CACNA1A: variants seen among roughly 807,000 people sequenced by gnomAD.
CACNA1A encodes the protein calcium voltage-gated channel subunit alpha1 A, also known as voltage-dependent P/Q-type calcium channel subunit alpha-1A.
CACNA1A carries 57 observed loss-of-function variants against 262.4 expected under a neutral mutation model. The ratio of observed to expected loss-of-function variants is 0.22; its 90% confidence interval spans 0.18 to 0.27. The LOEUF (loss-of-function observed/expected upper bound fraction) is 0.27, where lower values mean the gene tolerates loss of function less well. CACNA1A is among the 10% of genes least tolerant of loss of function. The pLI, the probability that CACNA1A is intolerant of heterozygous loss-of-function variation, is 1.00. For synonymous variants in CACNA1A, 1,431 were observed against 1,419.3 expected, an observed-to-expected ratio of 1.01 and a Z score of -0.18; for missense variants, 2,526 against 3,562.8, an observed-to-expected ratio of 0.71 and a Z score of 7.41.
intron 3 of CACNA1A, among the ~76,000 whole-genome samples, chr19:13,414,024 T>G (rs10418978): frequency 9.7e-4 from 147 of 151,786 alleles, no homozygotes; most frequent in African/African-American, 3.4e-3. Flanking sequence ...TAAAAGCAGA[T>G]AGAAGCCTGG....
At chr19:13,378,912 A>G (rs952382958) in intron 3 of CACNA1A, among the ~76,000 whole-genome samples, 1 of 144,756 alleles carries the variant, frequency 6.9e-6, no homozygotes, top group Admixed American at 7.0e-5. Flanking sequence ...CAAGTGATCC[A>G]CCCACCTTGG....
intron 19 of CACNA1A, among the ~76,000 whole-genome samples, chr19:13,289,216 A>G (rs2057478963): frequency 6.9e-6 from 1 of 145,036 alleles, no homozygotes; most frequent in South Asian, 2.2e-4. Flanking sequence ...ATCTCAGCTC[A>G]CTGTAATCGC....
Position 13,441,896 on chromosome 19 carries a change from C to A in CACNA1A, c.539+10980G>T, listed in dbSNP as rs1351715604. On this transcript the variant is annotated intron_variant, in intron 3 of 46. Coordinates refer to ENST00000360228, the MANE Select transcript of CACNA1A (RefSeq NM_001127222.2). Reference sequence around the variant, plus strand: ...AGACCTCAGTCGGCCCCCAAACCTGCGGAGAGATGGATGGCAAGGTCTTCT... The same window carrying A: ...AGACCTCAGTCGGCCCCCAAACCTGAGGAGAGATGGATGGCAAGGTCTTCT... Among the ~76,000 whole-genome samples, 4 of 152,202 alleles carry A rather than the reference C, an allele frequency of 2.6e-5. No homozygotes were observed. In the East Asian group the frequency reaches 7.8e-4, roughly 29 times the overall value.
Position 13,359,918 on chromosome 19 carries a change from CA to C in CACNA1A, c.785-120del, listed in dbSNP as rs150584850. ...GAATAACTTTTGGGACAAACGTGATCAGTCTTCAAAGAGATCAATGTTTGGC... is the reference window on the plus strand; with the variant it reads ...GAATAACTTTTGGGACAAACGTGATCGTCTTCAAAGAGATCAATGTTTGGC... On this transcript the variant is annotated intron_variant, in intron 5 of 46. Coordinates refer to ENST00000360228, the MANE Select transcript of CACNA1A (RefSeq NM_001127222.2). 6.2e-3 allele frequency: 3,846 copies of C among 622,776 alleles called. 119 individuals carry two copies. The African/African-American group carries it at 0.063, about 10-fold the overall frequency. 38.6% of individuals were successfully genotyped at this position (622,776 alleles called of 1,614,324 possible).
intron 22 of CACNA1A, among the ~76,000 whole-genome samples, chr19:13,279,461 G>A (rs1380339186): frequency 6.6e-6 from 1 of 152,004 alleles, no homozygotes; most frequent in Non-Finnish European, 1.5e-5. Context: ...ATGAGCTACT[G>A]GTGCAAGGGC....
intron 26 of CACNA1A, 94 bp downstream of exon 26, chr19:13,261,356 C>T: frequency 5.5e-6 from 6 of 1,093,596 alleles, no homozygotes; most frequent in Non-Finnish European, 7.9e-6. Flanking sequence ...ATCACTTCTC[C>T]AGTCTCTGAG....
At chr19:13,317,379 C>G in intron 10 of CACNA1A, 58 bp from the exon 11 acceptor site, 1 of 1,410,742 alleles carries the variant, frequency 7.1e-7, no homozygotes. Flanking sequence ...AAGAAATTAA[C>G]CAATGTGCAG....
intron 3 of CACNA1A, among the ~76,000 whole-genome samples, chr19:13,424,868 G>A (rs898392685): frequency 3.9e-5 from 6 of 151,922 alleles, no homozygotes; most frequent in East Asian, 1.9e-4. Flanking sequence ...GCAGTGGTGC[G>A]ATCTTGGCTC....
Position 13,300,653 on chromosome 19 carries a change from C to T in CACNA1A, c.2176G>A (p.Glu726Lys), listed in dbSNP as rs1446067622. The change falls in exon 18 of 47, where the codon GAG (glutamate) becomes AAG (lysine). Residue 726 changes from glutamate to lysine, a missense_variant. This residue lies in a region of CACNA1A where 16 missense variants were observed against 30.1 expected (regional missense o/e 0.53). Transcript: ENST00000360228. ...LANAQELTKD[E>K]QEEEEAANQK... ...TTCGCTGCTTCTTCTTCCTCTTGCT[C>T]GTCCTAAAAGGCACGTGGAATCTTT... The T allele has an allele frequency of 2.5e-6, 4 of 1,613,162 alleles. No individual in the cohort carries two copies. The highest frequency in any genetic ancestry group is 1.3e-5 in the African/African-American group (1 of 74,876).
chr19:13,496,591 T>C (rs1981563792), intron 1 of CACNA1A, among the ~76,000 whole-genome samples: 1 of 152,228 alleles, frequency 6.6e-6, no homozygotes, highest in Non-Finnish European at 1.5e-5. Flanking sequence ...TCTCCTTGGC[T>C]TATATATTGG....
intron 6 of CACNA1A, among the ~76,000 whole-genome samples, chr19:13,343,569 A>G (rs2058711136): frequency 1.3e-5 from 2 of 152,172 alleles, no homozygotes; most frequent in Non-Finnish European, 2.9e-5. Flanking sequence ...AAGACAGACC[A>G]CATGTTAGGC....
chr19:13,299,269 G>A lies in CACNA1A; in HGVS notation c.2364C>T (p.Ala788=), dbSNP rs766996486. 4.4e-6 allele frequency: 7 copies of A among 1,605,868 alleles called. No homozygotes were observed. Among genetic ancestry groups the A allele is most frequent in the South Asian group, 3.3e-5 (3 of 91,096 alleles). ...TSEMRKQNLL[A]SREALYNEMD... ...TTTCGTTATACAGGGCCTCCCGGCTGGCCAGCAAGTTCTGCTTTCGCATCT... is the reference window on the plus strand; with the variant it reads ...TTTCGTTATACAGGGCCTCCCGGCTAGCCAGCAAGTTCTGCTTTCGCATCT... Residue 788 remains alanine (A), a synonymous_variant, in exon 19 of 47, where the codon GCC becomes GCT. Transcript: ENST00000360228.
At chr19:13,246,502 T>A (rs2056238722) in intron 30 of CACNA1A, among the ~76,000 whole-genome samples, 1 of 152,132 alleles carries the variant, frequency 6.6e-6, no homozygotes, top group South Asian at 2.1e-4. Flanking sequence ...AAAAAACCCT[T>A]CCCATCAATT....
chr19:13,480,111 T>C (rs1467545266), intron 1 of CACNA1A, among the ~76,000 whole-genome samples: 1 of 152,240 alleles, frequency 6.6e-6, no homozygotes, highest in Non-Finnish European at 1.5e-5. Flanking sequence ...TACGTATTTG[T>C]AGCATATATA....
chr19:13,415,493 C>CA (rs1351949510), intron 3 of CACNA1A, among the ~76,000 whole-genome samples: 2 of 151,890 alleles, frequency 1.3e-5, no homozygotes, highest in Non-Finnish European at 2.9e-5. Flanking sequence ...GTAATCCCAG[C>CA]ACTTTGGGAG....
chr19:13,372,746 T>TAAGA (rs2059346999), intron 3 of CACNA1A, among the ~76,000 whole-genome samples: 1 of 151,948 alleles, frequency 6.6e-6, no homozygotes, highest in Admixed American at 6.6e-5. Context: ...CAGAAATAAA[T>TAAGA]AAGAAAACAA....
rs71170519 is a variant in CACNA1A, at chr19:13,499,449, GT to G, written c.293+6482del. ...CCACACTGACCAGTCGCAGGGGGTG[GT>G]GGGGGGGGGCACTTCGCTCCCATTC... On this transcript the variant is annotated intron_variant, in intron 1 of 46. Transcript: ENST00000360228. Among the ~76,000 whole-genome samples the G allele has an allele frequency of 6.6e-3, 789 of 120,312 alleles. 18 individuals carry two copies. The highest frequency in any genetic ancestry group is 0.016 in the African/African-American group (508 of 31,188). The allele number at this position is 120,312 out of a possible 152,430, so 78.9% of individuals were successfully genotyped here.
intron 3 of CACNA1A, among the ~76,000 whole-genome samples, chr19:13,423,051 G>C (rs2144791182): frequency 6.6e-6 from 1 of 152,316 alleles, no homozygotes; most frequent in East Asian, 1.9e-4. Context: ...AGTGGTCTTG[G>C]AGAACCCTGA....
At chr19:13,259,516 C>A in intron 27 of CACNA1A, 48 bp downstream of exon 27, 1 of 1,554,966 alleles carries the variant, frequency 6.4e-7, no homozygotes, top group Non-Finnish European at 8.7e-7. Context: ...CTTTATCCTC[C>A]TGCTCCCCAG....
Sources: allele counts gnomAD v4.1 joint callset (sites outside exome capture counted in the v4.1 genomes callset), GRCh38; gene constraint gnomAD v4.1.1; regional missense constraint gnomAD v4.1.1; transcripts MANE v1.5; gene names NCBI Gene and HGNC (gene_info 2026-07-23, HGNC 2026-07-21).